Variants in NCOR2 observed in about 807,000 individuals in gnomAD.
The protein encoded by NCOR2 is CTG repeat protein 26.
A neutral mutation model predicts 262.9 loss-of-function variants in NCOR2; 81 were observed. The ratio of observed to expected loss-of-function variants is 0.31; its 90% CI spans 0.26 to 0.37. The LOEUF is 0.37. NCOR2 is among the 10% of genes least tolerant of loss of function. NCOR2 has a pLI of 1.00. For missense variants in NCOR2, 3,385 were observed against 3,621.4 expected, an observed-to-expected ratio of 0.93 and a Z score of 1.68; for synonymous variants, 1,659 against 1,559.3, an observed-to-expected ratio of 1.06 and a Z score of -1.51.
At chr12:124,361,990 C>A (rs2038625477) in intron 22 of NCOR2, 136 bp downstream of exon 24, 1 of 791,444 alleles carries the variant, frequency 1.3e-6, no homozygotes, top group Non-Finnish European at 1.7e-6. Flanking sequence ...CCCTGCTCAA[C>A]TGTTCCATTC....
At chr12:124,398,170 G>A in exon 16 of NCOR2, 2 of 1,614,238 alleles carry the variant, frequency 1.2e-6, no homozygotes, top group Non-Finnish European at 1.7e-6. Flanking sequence ...CTCTCATTCA[G>A]CTCCATGGAG....
At chr12:124,331,209 T>C (rs905878710) in intron 43 of NCOR2, among the ~76,000 whole-genome samples, 1 of 151,850 alleles carries the variant, frequency 6.6e-6, no homozygotes, top group African/African-American at 2.4e-5. Context: ...GTTACAGACA[T>C]CCGCCACCAC....
intron 13 of NCOR2, among the ~76,000 whole-genome samples, chr12:124,409,026 C>T (rs960667031): frequency 3.3e-5 from 5 of 152,222 alleles, no homozygotes; most frequent in African/African-American, 9.6e-5. Flanking sequence ...ATGCTACAAA[C>T]GCAGCTTCCC....
intron 1 of NCOR2, among the ~76,000 whole-genome samples, chr12:124,552,128 C>T (rs1023224442): frequency 6.6e-6 from 1 of 151,934 alleles, no homozygotes; most frequent in Non-Finnish European, 1.5e-5. Flanking sequence ...AAGACCAGCC[C>T]GGGCAACATA....
At chr12:124,420,656 G>C (rs936323204) in intron 12 of NCOR2, among the ~76,000 whole-genome samples, 1 of 152,178 alleles carries the variant, frequency 6.6e-6, no homozygotes, top group African/African-American at 2.4e-5. Context: ...GGAGCAACCA[G>C]CCCTCCATGA....
At chr12:124,479,371 A>ACG (rs1429105026) in intron 3 of NCOR2, among the ~76,000 whole-genome samples, 1 of 151,748 alleles carries the variant, frequency 6.6e-6, no homozygotes, top group Non-Finnish European at 1.5e-5. Context: ...ATGCACACTC[A>ACG]CGCACACACA....
At chr12:124,500,123 G>A (rs1044337499), upstream of NCOR2, among the ~76,000 whole-genome samples, 2 of 152,138 alleles carry the variant, frequency 1.3e-5, no homozygotes, top group African/African-American at 4.8e-5. Flanking sequence ...ACAAGACGGT[G>A]CCTGGGTGAG....
intron 38 of NCOR2, 21 bp downstream of exon 40, chr12:124,336,732 C>T: frequency 1.2e-6 from 2 of 1,610,666 alleles, no homozygotes; most frequent in Non-Finnish European, 1.7e-6. Flanking sequence ...ATGAAGGTGG[C>T]CGCTGTCAGG....
At chr12:124,342,863 G>A (rs1195029393) in intron 33 of NCOR2, 142 bp downstream of exon 35, 1 of 811,622 alleles carries the variant, frequency 1.2e-6, no homozygotes, top group Non-Finnish European at 1.9e-6. Flanking sequence ...TACACTGTTG[G>A]GTCTTCCAAT....
At chr12:124,500,705 C>T (rs869331) in intron 1 of NCOR2, among the ~76,000 whole-genome samples, 48,641 of 151,926 alleles carry the variant, frequency 0.32, 8,123 homozygotes, top group African/African-American at 0.42. Context: ...GGCCTCCCAC[C>T]CCTGCATTCC....
intron 1 of NCOR2, among the ~76,000 whole-genome samples, chr12:124,560,976 A>G (rs2052050192): frequency 6.6e-6 from 1 of 152,254 alleles, no homozygotes; most frequent in African/African-American, 2.4e-5. Context: ...AAGTCATATC[A>G]TAACAAAATA....
chr12:124,372,314 C>T lies in NCOR2; in HGVS notation c.2515G>A (p.Glu839Lys), dbSNP rs551146451. Reference sequence around the variant, plus strand: ...GCGGGGGGCTTCTGCTCCTCCCCCTCCTCCACTGGGGGCGCTGCTGCGGTC... The same window carrying T: ...GCGGGGGGCTTCTGCTCCTCCCCCTTCTCCACTGGGGGCGCTGCTGCGGTC... The change falls in exon 20 of 47, where the codon GAG becomes AAG. Residue 839 changes from glutamate to lysine, a missense_variant. Coordinates refer to ENST00000405201, the Ensembl canonical transcript of NCOR2. 2.6e-6 allele frequency: 4 copies of T among 1,529,446 alleles called. No individual in the cohort carries two copies. The South Asian group carries it at 5.1e-5, about 20-fold the overall frequency. 94.7% of individuals were successfully genotyped at this position (1,529,446 alleles called of 1,614,324 possible).
At chr12:124,458,367 G>A (rs1304154202) in intron 5 of NCOR2, among the ~76,000 whole-genome samples, 1 of 152,188 alleles carries the variant, frequency 6.6e-6, no homozygotes, top group African/African-American at 2.4e-5. Context: ...CCAGCCCCCG[G>A]AGAAAGACAG....
In NCOR2 at chr12:124,424,107, C is replaced by T. The variant is rs531568722; in HGVS notation, c.1329-1552G>A. ...AGCCCAGCCTGGGTCCCCCACCCTT[C>T]GGTTACTGAATTAACAGAGGGTGAC... is the stretch of plus-strand genomic sequence containing the variant. On this transcript the variant is annotated intron_variant, in intron 11 of 46. Transcript: ENST00000405201. 1.5e-4 allele frequency among the ~76,000 whole-genome samples: 23 copies of T among 152,268 alleles called. No individual in the cohort carries two copies. In the East Asian group the frequency reaches 2.7e-3, roughly 18 times the overall value.
chr12:124,420,544 G>A (rs2043147686), intron 12 of NCOR2, among the ~76,000 whole-genome samples: 1 of 152,156 alleles, frequency 6.6e-6, no homozygotes, highest in African/African-American at 2.4e-5. Context: ...TCCAAGCCTT[G>A]TGCATCGGGA....
At chr12:124,430,978 A>ACACACAGGCACACAAG (rs1388213210) in intron 8 of NCOR2, among the ~76,000 whole-genome samples, 191 bp from the exon 11 acceptor site, 3 of 152,022 alleles carry the variant, frequency 2.0e-5, no homozygotes, top group African/African-American at 7.3e-5. Context: ...ACAGTCAGAT[A>ACACACAGGCACACAAG]CACACAGGCA....
At position 124,416,475 on chromosome 12, in the gene NCOR2, G is replaced by A. The variant is rs377305911; in HGVS notation, c.1482+3482C>T. Among the ~76,000 whole-genome samples, 16 of 152,222 alleles carry A rather than the reference G, an allele frequency of 1.1e-4. 1 individual carries two copies. Among genetic ancestry groups the A allele is most frequent in the Middle Eastern group, 3.4e-3 (1 of 294 alleles). ...TCATCTTTGGGGCCTTTTATTCTAC[G>A]GAGTCTTCAAGGATGTGCCACCAAT... On this transcript the variant is annotated intron_variant, in intron 13 of 46. Coordinates refer to ENST00000405201, the Ensembl canonical transcript of NCOR2.
chr12:124,501,761 C>T (rs2136954075), intron 1 of NCOR2, among the ~76,000 whole-genome samples: 1 of 152,344 alleles, frequency 6.6e-6, no homozygotes, highest in South Asian at 2.1e-4. Flanking sequence ...CTCCCAGGTT[C>T]CACGCAGACG....
intron 19 of NCOR2, among the ~76,000 whole-genome samples, chr12:124,373,015 G>A (rs948267808): frequency 3.3e-5 from 5 of 152,226 alleles, no homozygotes; most frequent in Non-Finnish European, 5.9e-5. Context: ...TGCGTGCCAC[G>A]GGAAACTCAG....
Sources: allele counts gnomAD v4.1 joint callset (sites outside exome capture counted in the v4.1 genomes callset), GRCh38; gene constraint gnomAD v4.1.1; transcripts MANE v1.5; gene names NCBI Gene and HGNC (gene_info 2026-07-23, HGNC 2026-07-21).